The following COLEC10 variants were observed in gnomAD, a reference collection of about 807,000 sequenced individuals.
The protein encoded by COLEC10 is collectin subfamily member 10.
Under a neutral mutation model 28.4 loss-of-function variants are expected in COLEC10, and 22 were observed. That is an observed-to-expected ratio of 0.78 (90% CI 0.55 to 1.11). The LOEUF is 1.11. Ranked by LOEUF, COLEC10 falls within the 50% of genes least tolerant of loss-of-function variation. The pLI is 0.00. For missense variants in COLEC10, 361 were observed against 344.1 expected, an observed-to-expected ratio of 1.05 and a Z score of -0.39; for synonymous variants, 125 against 116.1, an observed-to-expected ratio of 1.08 and a Z score of -0.49.
the COLEC10 span, among the ~76,000 whole-genome samples, chr8:118,972,129 A>G: frequency 2.4e-4 from 36 of 151,580 alleles, no homozygotes; most frequent in African/African-American, 8.2e-4. Flanking sequence ...GAAACTTCCA[A>G]TTTTTCTCTT....
intron 1 of COLEC10, among the ~76,000 whole-genome samples, chr8:119,078,119 C>G (rs1815291256): frequency 6.6e-6 from 1 of 152,188 alleles, no homozygotes; most frequent in Non-Finnish European, 1.5e-5. Context: ...CTACATGACC[C>G]AAACACAACC....
At position 119,016,198 on chromosome 8, in the gene COLEC10, G is replaced by A. The variant is rs543143767; in HGVS notation, n.235+6645G>A. On this transcript the variant is annotated intron_variant and non_coding_transcript_variant, in intron 2 of 6. Coordinates refer to the COLEC10 transcript ENST00000521788. ...TCCCTTGCCCCCAAACCCCTGACAG[G>A]CCCCAGTGTGTGATATTCCCCTCCC... Among the ~76,000 whole-genome samples, 16 of 151,932 alleles carry A rather than the reference G, an allele frequency of 1.1e-4. No individual in the cohort carries two copies. In the South Asian group the frequency reaches 3.1e-3, roughly 30 times the overall value.
the COLEC10 span, among the ~76,000 whole-genome samples, chr8:118,970,080 G>T: frequency 6.6e-6 from 1 of 151,992 alleles, no homozygotes; most frequent in African/African-American, 2.4e-5. Context: ...GAATCATTTT[G>T]TTATAAATAG....
At chr8:119,091,569 A>G (rs372014305) in intron 3 of COLEC10, among the ~76,000 whole-genome samples, 347 of 132,442 alleles carry the variant, frequency 2.6e-3, no homozygotes, top group African/African-American at 9.4e-3. Flanking sequence ...GAAAGAAAGA[A>G]AGAAAGAGAG....
chr8:119,044,180 G>A (rs1486941368), intron 2 of COLEC10, among the ~76,000 whole-genome samples: 1 of 152,160 alleles, frequency 6.6e-6, no homozygotes, highest in East Asian at 1.9e-4. Context: ...AAAATGTGCT[G>A]GTTTGGAGGT....
chr8:119,056,591 T>C (rs1814765495), intron 2 of COLEC10, among the ~76,000 whole-genome samples: 1 of 151,976 alleles, frequency 6.6e-6, no homozygotes, highest in African/African-American at 2.4e-5. Flanking sequence ...GGTGCTACTA[T>C]GTCATGATTA....
chr8:119,093,866 T>C (rs1283511587), intron 3 of COLEC10, among the ~76,000 whole-genome samples: 2 of 152,180 alleles, frequency 1.3e-5, no homozygotes, highest in Non-Finnish European at 2.9e-5. Flanking sequence ...CCATTGAAAA[T>C]GCACAGGTTA....
the COLEC10 span, among the ~76,000 whole-genome samples, chr8:118,989,566 CACACACACACACCCCT>C: frequency 6.9e-6 from 1 of 145,632 alleles, no homozygotes; most frequent in African/African-American, 2.8e-5. Flanking sequence ...CACACACACA[CACACACACACACCCCT>C]ACCTACCCAT....
chr8:119,038,179 A>G (rs185805224), intron 2 of COLEC10, among the ~76,000 whole-genome samples: 14 of 152,348 alleles, frequency 9.2e-5, no homozygotes, highest in Admixed American at 9.2e-4. Context: ...GGGCTTTGAT[A>G]TGAGATCAAC....
At chr8:119,096,805 G>T (rs962841030) in intron 3 of COLEC10, among the ~76,000 whole-genome samples, 3 of 151,742 alleles carry the variant, frequency 2.0e-5, no homozygotes, top group African/African-American at 7.3e-5. Flanking sequence ...CTTAACAAAA[G>T]AACATATTTG....
chr8:118,990,907 T>C (rs924710059), upstream of COLEC10, among the ~76,000 whole-genome samples: 1 of 151,814 alleles, frequency 6.6e-6, no homozygotes, highest in Non-Finnish European at 1.5e-5. Context: ...AGCAGGAATA[T>C]AAAAAGTTTG....
chr8:119,086,982 G>A (rs73712716), intron 1 of COLEC10, among the ~76,000 whole-genome samples: 4,072 of 152,230 alleles, frequency 0.027, 163 homozygotes, highest in African/African-American at 0.092. Flanking sequence ...GACCTTGGAT[G>A]TTACTTAACC....
chr8:118,997,477 G>C (rs532587167), intron 1 of COLEC10, among the ~76,000 whole-genome samples: 2 of 152,074 alleles, frequency 1.3e-5, no homozygotes, highest in Non-Finnish European at 2.9e-5. Flanking sequence ...TTTGAGTTTA[G>C]TTTTGTTCAC....
At chr8:119,055,374 T>G (rs1016118204) in intron 2 of COLEC10, among the ~76,000 whole-genome samples, 1 of 152,080 alleles carries the variant, frequency 6.6e-6, no homozygotes, top group African/African-American at 2.4e-5. Flanking sequence ...CTTTAGTAAC[T>G]CAATCTTTAT....
chr8:118,955,064 A>T, the COLEC10 span, among the ~76,000 whole-genome samples: 1 of 152,238 alleles, frequency 6.6e-6, no homozygotes, highest in Non-Finnish European at 1.5e-5. Flanking sequence ...TAACTTGAAG[A>T]ACAAGAACAA....
At chr8:119,018,586 G>C (rs1003940813) in intron 2 of COLEC10, among the ~76,000 whole-genome samples, 8 of 152,130 alleles carry the variant, frequency 5.3e-5, no homozygotes, top group African/African-American at 1.7e-4. Flanking sequence ...TTATGTATAG[G>C]GGAATAGTTT....
the COLEC10 span, among the ~76,000 whole-genome samples, chr8:118,971,304 T>G: frequency 6.6e-6 from 1 of 151,998 alleles, no homozygotes; most frequent in Non-Finnish European, 1.5e-5. Context: ...TCTGGATGAT[T>G]GAGTTTCTAT....
At chr8:118,965,338 C>T in the COLEC10 span, among the ~76,000 whole-genome samples, 2 of 152,040 alleles carry the variant, frequency 1.3e-5, no homozygotes, top group Admixed American at 1.3e-4. Context: ...TTACGTTTTT[C>T]CCTAGTGGTT....
upstream of COLEC10, among the ~76,000 whole-genome samples, chr8:119,064,921 A>C (rs1435745837): frequency 6.6e-6 from 1 of 152,090 alleles, no homozygotes; most frequent in African/African-American, 2.4e-5. Flanking sequence ...GACTATTTTG[A>C]GACTAAATGA....
Sources: gnomAD v4.1 joint callset for allele counts (sites outside exome capture counted in the v4.1 genomes callset) on GRCh38, gnomAD v4.1.1 for gene constraint, MANE v1.5 for transcripts, NCBI Gene and HGNC (gene_info 2026-07-23, HGNC 2026-07-21) for gene names.